The following KCNMA1 variants were observed in gnomAD, a reference collection of about 807,000 sequenced individuals.
KCNMA1 encodes Calcium-activated potassium channel subunit alpha-1.
A neutral mutation model predicts 140.0 loss-of-function variants in KCNMA1; 29 were observed. The ratio of observed to expected loss-of-function variants is 0.21; its 90% CI spans 0.15 to 0.28. KCNMA1 has a LOEUF of 0.28. Ranked by LOEUF, KCNMA1 falls within the 10% of genes least tolerant of loss-of-function variation. KCNMA1 has a pLI of 1.00. For synonymous variants in KCNMA1, 612 were observed against 611.9 expected (o/e 1.00, Z 0.00); for missense variants, 880 against 1,602.2 (o/e 0.55, Z 7.70).
chr10:77,060,141 T>C (rs577938885), intron 14 of KCNMA1, among the ~76,000 whole-genome samples: 8 of 152,250 alleles, frequency 5.3e-5, no homozygotes, highest in African/African-American at 1.9e-4. Context: ...CTCCCCCAAA[T>C]TGGTCTATAG....
chr10:77,215,958 G>T (rs72805585), intron 3 of KCNMA1, among the ~76,000 whole-genome samples: 23,611 of 151,326 alleles, frequency 0.16, 2,272 homozygotes, highest in Non-Finnish European at 0.21. Context: ...CAAGAAGGTG[G>T]CCATCTGCAA....
chr10:77,509,606 C>T (rs1438626281), intron 1 of KCNMA1, among the ~76,000 whole-genome samples: 1 of 152,114 alleles, frequency 6.6e-6, no homozygotes, highest in Non-Finnish European at 1.5e-5. Context: ...TTTACATTCC[C>T]GCCAGCAATG....
At chr10:77,566,021 T>C (rs2068164291) in intron 1 of KCNMA1, among the ~76,000 whole-genome samples, 1 of 109,174 alleles carries the variant, frequency 9.2e-6, no homozygotes, top group African/African-American at 2.7e-5. Flanking sequence ...AAAATCTTCA[T>C]GTTTTTCTCT....
intron 1 of KCNMA1, among the ~76,000 whole-genome samples, chr10:77,508,913 T>C (rs552525349): frequency 2.0e-5 from 3 of 152,210 alleles, no homozygotes; most frequent in Admixed American, 6.5e-5. Context: ...TGTTTTGTCT[T>C]TTTGCGACTG....
At chr10:77,381,590 AC>A (rs1170721150) in intron 2 of KCNMA1, among the ~76,000 whole-genome samples, 1 of 152,156 alleles carries the variant, frequency 6.6e-6, no homozygotes, top group Non-Finnish European at 1.5e-5. Flanking sequence ...TTGAATTAAC[AC>A]TAGAGCCTGT....
intron 2 of KCNMA1, among the ~76,000 whole-genome samples, chr10:77,294,895 GACAAC>G (rs2074439399): frequency 6.6e-6 from 1 of 152,066 alleles, no homozygotes; most frequent in African/African-American, 2.4e-5. Flanking sequence ...CTCCAGCCTG[GACAAC>G]AGAGCAAGAC....
chr10:76,918,062 C>G (rs528577703), intron 23 of KCNMA1, among the ~76,000 whole-genome samples: 38 of 152,174 alleles, frequency 2.5e-4, no homozygotes, highest in Non-Finnish European at 4.1e-4. Flanking sequence ...CCATCTTGCT[C>G]TCCTTCCCAT....
chr10:77,486,374 G>A (rs1003237845), intron 1 of KCNMA1, among the ~76,000 whole-genome samples: 4 of 152,050 alleles, frequency 2.6e-5, no homozygotes, highest in African/African-American at 7.2e-5. Context: ...GAGTGATCTC[G>A]GGACCATTAC....
chr10:77,122,500 G>A (rs1197498086), intron 5 of KCNMA1, among the ~76,000 whole-genome samples: 7 of 151,930 alleles, frequency 4.6e-5, no homozygotes, highest in African/African-American at 1.2e-4. Flanking sequence ...CGACCACGGC[G>A]CAGAGTACAA....
At chr10:76,978,547 T>C (rs1285525382) in intron 19 of KCNMA1, 1 of 152,218 alleles carries the variant, frequency 6.6e-6, no homozygotes, top group African/African-American at 2.4e-5. Context: ...CTGAGCTGTG[T>C]GTCTAAAATC....
intron 13 of KCNMA1, among the ~76,000 whole-genome samples, chr10:77,079,270 CA>C (rs1185946279): frequency 2.0e-5 from 3 of 148,346 alleles, no homozygotes; most frequent in African/African-American, 7.4e-5. Flanking sequence ...GACTCCATCC[CA>C]AAAAAAAAGA....
intron 1 of KCNMA1, among the ~76,000 whole-genome samples, chr10:77,554,689 AG>A (rs1316602537): frequency 2.0e-5 from 3 of 152,152 alleles, no homozygotes; most frequent in Non-Finnish European, 2.9e-5. Flanking sequence ...AGGAAGACTA[AG>A]GAAGAGTCCA....
intron 16 of KCNMA1, among the ~76,000 whole-genome samples, chr10:77,025,998 A>AATATATATATAT (rs34726010): frequency 7.1e-6 from 1 of 139,908 alleles, no homozygotes; most frequent in African/African-American, 2.6e-5. Context: ...AGAAAAAAAA[A>AATATATATATAT]ATATATATAT....
intron 25 of KCNMA1, among the ~76,000 whole-genome samples, chr10:76,897,312 G>T (rs1261997592): frequency 6.6e-6 from 1 of 151,472 alleles, no homozygotes; most frequent in Non-Finnish European, 1.5e-5. Flanking sequence ...GCAAGTTAAT[G>T]TGGCCAACTC....
intron 6 of KCNMA1, among the ~76,000 whole-genome samples, chr10:77,116,211 T>C (rs1050915837): frequency 1.3e-5 from 2 of 152,204 alleles, no homozygotes; most frequent in Admixed American, 6.5e-5. Flanking sequence ...CATTCTCATG[T>C]TGCCTATACA....
chr10:77,340,363 T>C (rs1473743554), intron 2 of KCNMA1, among the ~76,000 whole-genome samples: 1 of 152,204 alleles, frequency 6.6e-6, no homozygotes, highest in African/African-American at 2.4e-5. Flanking sequence ...CATTACTGTA[T>C]ATATACCCAA....
chr10:77,408,452 G>C (rs1168100571), intron 1 of KCNMA1, among the ~76,000 whole-genome samples: 1 of 151,888 alleles, frequency 6.6e-6, no homozygotes, highest in Non-Finnish European at 1.5e-5. Flanking sequence ...GTGTGCATGT[G>C]TGTGTGCGTT....
At chr10:77,122,743 A>G (rs1049847755) in intron 5 of KCNMA1, among the ~76,000 whole-genome samples, 3 of 152,214 alleles carry the variant, frequency 2.0e-5, no homozygotes, top group Middle Eastern at 3.2e-3. Context: ...GGTAAAATGA[A>G]GGATCAGTTC....
chr10:77,562,886 G>A (rs1183513462), intron 1 of KCNMA1, among the ~76,000 whole-genome samples: 1 of 152,186 alleles, frequency 6.6e-6, no homozygotes, highest in Non-Finnish European at 1.5e-5. Flanking sequence ...AGTAGACATT[G>A]CAACGCAATA....
Sources: allele counts gnomAD v4.1 joint callset (sites outside exome capture counted in the v4.1 genomes callset), GRCh38; gene constraint gnomAD v4.1.1; transcripts MANE v1.5; gene names NCBI Gene and HGNC (gene_info 2026-07-23, HGNC 2026-07-21).